The following TRABD2B variants were observed in gnomAD, a reference collection of about 807,000 sequenced individuals.
The protein encoded by TRABD2B is TraB domain containing 2B.
In TRABD2B, 14 loss-of-function variants were observed where a neutral mutation model predicts 40.1. That is an observed-to-expected ratio of 0.35 (90% CI 0.23 to 0.55). The LOEUF (loss-of-function observed/expected upper bound fraction) is 0.55, where lower values mean the gene tolerates loss of function less well. TRABD2B is among the 20% of genes least tolerant of loss of function. The probability of loss-of-function intolerance (pLI) is 0.90; values close to 1 mark genes in which losing one functional copy is unlikely to be tolerated. For synonymous variants in TRABD2B, 263 were observed against 277.0 expected, an observed-to-expected ratio of 0.95 and a Z score of 0.50; for missense variants, 541 against 648.6, an observed-to-expected ratio of 0.83 and a Z score of 1.80.
chr1:47,845,948 G>A (rs1029858168), intron 2 of TRABD2B, among the ~76,000 whole-genome samples: 5 of 152,208 alleles, frequency 3.3e-5, no homozygotes, highest in African/African-American at 7.2e-5. Flanking sequence ...CACACAGTAC[G>A]TTTCCTCTTT....
intron 2 of TRABD2B, 101 bp from the exon 3 acceptor site, chr1:47,801,720 G>C: frequency 7.2e-7 from 1 of 1,387,048 alleles, no homozygotes; most frequent in Non-Finnish European, 9.6e-7. Flanking sequence ...CAACAGGCCT[G>C]AAACAGAGAA....
intron 2 of TRABD2B, among the ~76,000 whole-genome samples, chr1:47,860,349 C>T (rs1369143844): frequency 6.6e-6 from 1 of 152,186 alleles, no homozygotes; most frequent in Non-Finnish European, 1.5e-5. Context: ...TGGTGTGCAG[C>T]CATTACTGTG....
At chr1:47,923,569 A>G (rs193117063) in intron 2 of TRABD2B, among the ~76,000 whole-genome samples, 10 of 152,324 alleles carry the variant, frequency 6.6e-5, no homozygotes, top group African/African-American at 2.4e-4. Flanking sequence ...TTATGTGTCA[A>G]CTTGGCTGGG....
chr1:47,983,762 A>AG (rs1557695326), intron 2 of TRABD2B, among the ~76,000 whole-genome samples: 3 of 152,048 alleles, frequency 2.0e-5, no homozygotes, highest in Non-Finnish European at 2.9e-5. Context: ...AAAAGAAAAA[A>AG]AAAAAAAAAA....
chr1:47,958,653 A>G (rs979937428), intron 2 of TRABD2B, among the ~76,000 whole-genome samples: 2 of 152,116 alleles, frequency 1.3e-5, no homozygotes, highest in African/African-American at 4.8e-5. Flanking sequence ...TTCAACAAGG[A>G]GAGCTAACTA....
intron 2 of TRABD2B, among the ~76,000 whole-genome samples, chr1:47,880,601 C>T (rs937131057): frequency 1.3e-5 from 2 of 152,128 alleles, no homozygotes; most frequent in South Asian, 2.1e-4. Flanking sequence ...GGGGAACTGT[C>T]CGGGGAGGTG....
At chr1:47,839,980 T>C (rs1165349143) in intron 2 of TRABD2B, among the ~76,000 whole-genome samples, 1 of 152,094 alleles carries the variant, frequency 6.6e-6, no homozygotes, top group Non-Finnish European at 1.5e-5. Context: ...AGGTCCAGGG[T>C]AGTGTGGACA....
chr1:47,947,138 T>C (rs997487102), intron 2 of TRABD2B, among the ~76,000 whole-genome samples: 2 of 152,202 alleles, frequency 1.3e-5, no homozygotes. Flanking sequence ...GTCACATTAT[T>C]CTCAAAAGCA....
At chr1:47,873,760 T>C (rs980260215) in intron 2 of TRABD2B, among the ~76,000 whole-genome samples, 7 of 152,196 alleles carry the variant, frequency 4.6e-5, no homozygotes, top group Admixed American at 2.6e-4. Flanking sequence ...CCCTGGGGAC[T>C]AGAACATTGT....
intron 2 of TRABD2B, among the ~76,000 whole-genome samples, chr1:47,849,235 C>T (rs1390600013): frequency 6.6e-6 from 1 of 152,194 alleles, no homozygotes. Flanking sequence ...AGGGTGGGCC[C>T]TAATCCAATC....
At chr1:47,792,798 AG>A (rs1287091691) in intron 4 of TRABD2B, among the ~76,000 whole-genome samples, 11 of 152,042 alleles carry the variant, frequency 7.2e-5, no homozygotes, top group African/African-American at 2.7e-4. Context: ...TGGGGTGTGT[AG>A]AATGAAGGCC....
chr1:47,795,558 C>G, intron 3 of TRABD2B: 1 of 701,418 alleles, frequency 1.4e-6, no homozygotes. Flanking sequence ...CTGCGTGGCA[C>G]CGGGCAAGTT....
intron 2 of TRABD2B, among the ~76,000 whole-genome samples, chr1:47,857,337 G>C (rs1643902882): frequency 6.6e-6 from 1 of 152,152 alleles, no homozygotes; most frequent in Non-Finnish European, 1.5e-5. Context: ...TTAGCCTGCA[G>C]ACTTGGCAGG....
intron 2 of TRABD2B, among the ~76,000 whole-genome samples, chr1:47,872,702 G>A (rs1016550775): frequency 2.0e-5 from 3 of 152,138 alleles, no homozygotes; most frequent in African/African-American, 4.8e-5. Flanking sequence ...ATCCTTATAC[G>A]TTATTTACCT....
intron 2 of TRABD2B, among the ~76,000 whole-genome samples, chr1:47,808,584 A>G (rs868611216): frequency 1.9e-4 from 29 of 152,270 alleles, no homozygotes; most frequent in South Asian, 6.2e-4. Flanking sequence ...CAAGCCCCCA[A>G]TTACATGGAG....
intron 6 of TRABD2B, among the ~76,000 whole-genome samples, chr1:47,767,414 G>A (rs1368813432): frequency 2.0e-5 from 3 of 152,194 alleles, no homozygotes; most frequent in Non-Finnish European, 2.9e-5. Context: ...AGCATGGGGA[G>A]GGCACTCCTG....
intron 2 of TRABD2B, among the ~76,000 whole-genome samples, chr1:47,957,267 G>T (rs929546987): frequency 2.0e-5 from 3 of 152,214 alleles, no homozygotes; most frequent in African/African-American, 7.2e-5. Context: ...AACCAGAGCA[G>T]AAAAGCTGAA....
rs140815712 is a variant in TRABD2B, at chr1:47,886,412, C to G, written c.667-84793G>C. On this transcript the variant is annotated intron_variant, in intron 2 of 6. Coordinates refer to ENST00000606738, the MANE Select transcript of TRABD2B (RefSeq NM_001194986.2). ...CTTCTTGTTCCTCTCTACCTCTCCT[C>G]ACTGCTGGACACCTAGCTGGTGTTA... 7.2e-3 allele frequency among the ~76,000 whole-genome samples: 1,102 copies of G among 152,316 alleles called. 9 individuals carry two copies. Among genetic ancestry groups the G allele is most frequent in the African/African-American group, 0.025 (1,040 of 41,576 alleles).
At chr1:47,841,786 CTTT>C (rs780669674) in intron 2 of TRABD2B, among the ~76,000 whole-genome samples, 3 of 136,452 alleles carry the variant, frequency 2.2e-5, no homozygotes, top group African/African-American at 2.7e-5. Flanking sequence ...TTTTCTTTTT[CTTT>C]TTTTTTTTTT....
Sources: allele counts gnomAD v4.1 joint callset (sites outside exome capture counted in the v4.1 genomes callset), GRCh38; gene constraint gnomAD v4.1.1; transcripts MANE v1.5; gene names NCBI Gene and HGNC (gene_info 2026-07-23, HGNC 2026-07-21).